MDGA2: variants seen among roughly 807,000 people sequenced by gnomAD.
MDGA2 encodes the protein MAM domain containing glycosylphosphatidylinositol anchor 2.
Under a neutral mutation model 117.8 loss-of-function variants are expected in MDGA2, and 40 were observed. The observed-to-expected ratio is 0.34, with a 90% CI of 0.26 to 0.44. MDGA2 has a LOEUF of 0.44. Ranked by LOEUF, MDGA2 falls within the 20% of genes least tolerant of loss-of-function variation. MDGA2 has a pLI of 1.00. For missense variants in MDGA2, 1,123 were observed against 1,250.6 expected, an observed-to-expected ratio of 0.90 and a Z score of 1.54; for synonymous variants, 452 against 439.0, an observed-to-expected ratio of 1.03 and a Z score of -0.37.
chr14:47,568,886 A>G (rs912392819), intron 1 of MDGA2, among the ~76,000 whole-genome samples: 1 of 151,620 alleles, frequency 6.6e-6, no homozygotes, highest in Non-Finnish European at 1.5e-5. Flanking sequence ...CTATTTGGAG[A>G]GTTTTTAACT....
At chr14:47,450,357 G>T (rs893943046) in intron 1 of MDGA2, among the ~76,000 whole-genome samples, 1 of 151,840 alleles carries the variant, frequency 6.6e-6, no homozygotes, top group Non-Finnish European at 1.5e-5. Context: ...CAGAAGAAAG[G>T]TATATCTCAC....
At chr14:47,194,261 G>T (rs1885210623) in intron 3 of MDGA2, among the ~76,000 whole-genome samples, 1 of 152,064 alleles carries the variant, frequency 6.6e-6, no homozygotes, top group Non-Finnish European at 1.5e-5. Context: ...TCATCCAGAA[G>T]AATGTGAGTC....
chr14:47,120,847 T>A (rs189607803), intron 5 of MDGA2, among the ~76,000 whole-genome samples: 15 of 152,298 alleles, frequency 9.8e-5, no homozygotes, highest in Admixed American at 3.9e-4. Context: ...AGAGTCATTT[T>A]TTTCTGATTT....
intron 1 of MDGA2, among the ~76,000 whole-genome samples, chr14:47,446,480 GTTC>G (rs33965727): frequency 0.38 from 58,163 of 151,614 alleles, 11,193 homozygotes; most frequent in South Asian, 0.56. Flanking sequence ...TTAGGGTATG[GTTC>G]ACTGTGAAAT....
chr14:47,507,670 T>G (rs1894543575), intron 1 of MDGA2, among the ~76,000 whole-genome samples: 1 of 152,206 alleles, frequency 6.6e-6, no homozygotes, highest in Non-Finnish European at 1.5e-5. Context: ...AGGTAATGCA[T>G]TATTCTCTTA....
chr14:47,009,370 C>T (rs926811798), intron 8 of MDGA2, among the ~76,000 whole-genome samples: 3 of 151,996 alleles, frequency 2.0e-5, no homozygotes, highest in Non-Finnish European at 2.9e-5. Context: ...ATAAATGCAG[C>T]TGATTTCAAT....
At chr14:46,907,872 A>G (rs1000434795) in intron 10 of MDGA2, among the ~76,000 whole-genome samples, 1 of 152,222 alleles carries the variant, frequency 6.6e-6, no homozygotes, top group Non-Finnish European at 1.5e-5. Context: ...AGTTTCACAA[A>G]GTAGGAATTT....
chr14:47,351,806 G>C (rs952001652), intron 1 of MDGA2, among the ~76,000 whole-genome samples: 2 of 151,828 alleles, frequency 1.3e-5, no homozygotes, highest in African/African-American at 4.8e-5. Flanking sequence ...TCAAATACTT[G>C]AAGTTACAAA....
intron 9 of MDGA2, among the ~76,000 whole-genome samples, chr14:46,943,501 A>T (rs1885068316): frequency 6.6e-6 from 1 of 152,038 alleles, no homozygotes; most frequent in South Asian, 2.1e-4. Flanking sequence ...TAAATTCAAA[A>T]AACTTTTGAA....
chr14:47,141,328 G>GTGC (rs1374046478), intron 4 of MDGA2, among the ~76,000 whole-genome samples: 1 of 152,126 alleles, frequency 6.6e-6, no homozygotes, highest in Non-Finnish European at 1.5e-5. Flanking sequence ...GTATGTCGAG[G>GTGC]AGATACCTGC....
intron 8 of MDGA2, among the ~76,000 whole-genome samples, chr14:46,985,652 C>A (rs1886833661): frequency 6.6e-6 from 1 of 152,048 alleles, no homozygotes; most frequent in Non-Finnish European, 1.5e-5. Context: ...ATCCTGACAA[C>A]TGAGCAAACC....
At chr14:47,159,973 T>C (rs983389967) in intron 3 of MDGA2, among the ~76,000 whole-genome samples, 1 of 152,190 alleles carries the variant, frequency 6.6e-6, no homozygotes, top group Non-Finnish European at 1.5e-5. Flanking sequence ...CAAAATATAA[T>C]AAAGTATGGC....
chr14:47,459,380 A>G (rs1472169975), intron 1 of MDGA2, among the ~76,000 whole-genome samples: 2 of 150,708 alleles, frequency 1.3e-5, no homozygotes, highest in Non-Finnish European at 3.0e-5. Context: ...TTCCTCTCAT[A>G]TTGTGGTTAG....
intron 5 of MDGA2, among the ~76,000 whole-genome samples, chr14:47,125,026 ATAGTCCT>A (rs1313749378): frequency 6.6e-6 from 1 of 152,116 alleles, no homozygotes. Flanking sequence ...ACAAACCTAA[ATAGTCCT>A]TAAAAACTGT....
intron 1 of MDGA2, among the ~76,000 whole-genome samples, chr14:47,386,824 G>A (rs1159961664): frequency 6.6e-6 from 1 of 152,200 alleles, no homozygotes; most frequent in African/African-American, 2.4e-5. Flanking sequence ...GAGGCACACT[G>A]CCTGGCTTCA....
At chr14:47,115,718 T>C (rs1454819573) in intron 5 of MDGA2, among the ~76,000 whole-genome samples, 1 of 151,980 alleles carries the variant, frequency 6.6e-6, no homozygotes, top group Non-Finnish European at 1.5e-5. Flanking sequence ...AGAAAAAGCA[T>C]TAGTCACAAT....
intron 1 of MDGA2, among the ~76,000 whole-genome samples, chr14:47,319,800 G>C (rs7159756): frequency 0.17 from 25,383 of 152,032 alleles, 2,545 homozygotes; most frequent in South Asian, 0.35. Flanking sequence ...ATTTATTATA[G>C]ATGGAATGTG....
intron 7 of MDGA2, among the ~76,000 whole-genome samples, chr14:47,040,040 A>C (rs1448655283): frequency 1.3e-5 from 2 of 152,106 alleles, no homozygotes; most frequent in Non-Finnish European, 2.9e-5. Context: ...TATACAATAA[A>C]ATTTATTTTA....
chr14:47,171,677 G>A (rs765389740), intron 3 of MDGA2, among the ~76,000 whole-genome samples: 11 of 152,160 alleles, frequency 7.2e-5, no homozygotes, highest in African/African-American at 1.2e-4. Context: ...CAAGATGGCC[G>A]AATAGGAACA....
Sources: gnomAD v4.1 joint callset for allele counts (sites outside exome capture counted in the v4.1 genomes callset) on GRCh38, gnomAD v4.1.1 for gene constraint, MANE v1.5 for transcripts, NCBI Gene and HGNC (gene_info 2026-07-23, HGNC 2026-07-21) for gene names.